SDK1: variants seen among roughly 807,000 people sequenced by gnomAD.
The protein encoded by SDK1 is sidekick cell adhesion molecule 1.
Under a neutral mutation model 245.5 loss-of-function variants are expected in SDK1, and 157 were observed. That is an observed-to-expected ratio of 0.64 (90% confidence interval 0.56 to 0.73). The LOEUF is 0.73. Among genes scored for constraint, SDK1 ranks in the 30% least tolerant of loss-of-function variants. The pLI, the probability that SDK1 is intolerant of heterozygous loss-of-function variation, is 0.00. For missense variants in SDK1, 3,583 were observed against 3,002.3 expected, an observed-to-expected ratio of 1.19 and a Z score of -4.52; for synonymous variants, 1,647 against 1,278.5, an observed-to-expected ratio of 1.29 and a Z score of -6.15.
chr7:4,208,315 G>T (rs1251356122), intron 37 of SDK1, 30 bp downstream of exon 37: 1 of 1,599,004 alleles, frequency 6.3e-7, no homozygotes, highest in Non-Finnish European at 8.5e-7. Context: ...CCTTTGGGCA[G>T]GCCTCCTTGG....
At chr7:3,757,650 T>G (rs1383551224) in intron 4 of SDK1, among the ~76,000 whole-genome samples, 1 of 152,046 alleles carries the variant, frequency 6.6e-6, no homozygotes, top group African/African-American at 2.4e-5. Context: ...ACTCCCAAGC[T>G]CTCTCCAGGC....
At chr7:3,924,349 G>A (rs1779696645) in intron 5 of SDK1, among the ~76,000 whole-genome samples, 1 of 152,118 alleles carries the variant, frequency 6.6e-6, no homozygotes, top group Admixed American at 6.5e-5. Flanking sequence ...ATGACTTCTT[G>A]GAAGACATCA....
intron 20 of SDK1, among the ~76,000 whole-genome samples, chr7:4,070,228 C>T (rs7456402): frequency 0.074 from 11,232 of 152,254 alleles, 999 homozygotes; most frequent in African/African-American, 0.21. Context: ...TGTCTGCACC[C>T]GCCTGGGACT....
At chr7:4,179,682 C>T (rs1475563132) in intron 35 of SDK1, among the ~76,000 whole-genome samples, 3 of 151,888 alleles carry the variant, frequency 2.0e-5, no homozygotes, top group African/African-American at 4.8e-5. Flanking sequence ...CAGGGATGGA[C>T]CTGGCTGTAG....
At chr7:3,545,938 C>G (rs1457261566) in intron 1 of SDK1, among the ~76,000 whole-genome samples, 1 of 152,184 alleles carries the variant, frequency 6.6e-6, no homozygotes, top group Non-Finnish European at 1.5e-5. Flanking sequence ...ATCAAGAATA[C>G]CTAAATCAGT....
At chr7:4,137,539 C>G (rs992164024) in intron 28 of SDK1, among the ~76,000 whole-genome samples, 2 of 152,156 alleles carry the variant, frequency 1.3e-5, no homozygotes, top group African/African-American at 4.8e-5. Context: ...GTGCCACCTC[C>G]GTCTTCCAGG....
intron 1 of SDK1, among the ~76,000 whole-genome samples, chr7:3,491,047 C>A (rs747559064): frequency 4.6e-5 from 7 of 152,236 alleles, no homozygotes; most frequent in African/African-American, 1.4e-4. Context: ...CTAGTCTTCA[C>A]AGTAACCTCC....
intron 20 of SDK1, among the ~76,000 whole-genome samples, chr7:4,069,829 G>A (rs528726544): frequency 3.7e-4 from 56 of 152,342 alleles, no homozygotes; most frequent in African/African-American, 1.1e-3. Flanking sequence ...AACCACACAA[G>A]GGGTGTCTTA....
rs374215705 is a variant in SDK1, at chr7:4,161,866, C to G, written c.4800+10C>G. 72 of 1,611,926 alleles carry G rather than the reference C, an allele frequency of 4.5e-5. No homozygotes were observed. The highest frequency in any genetic ancestry group is 5.4e-5 in the Non-Finnish European group (64 of 1,178,150). Reference sequence around the variant, plus strand: ...CCTGATACAGTGGCAGGTAAGAGCGCGGGGAATCACGCGCGTTTTGTCAAA... The same window carrying G: ...CCTGATACAGTGGCAGGTAAGAGCGGGGGGAATCACGCGCGTTTTGTCAAA... On this transcript the variant is annotated intron_variant, in intron 32 of 44. Transcript: ENST00000404826.
At chr7:3,579,639 A>G (rs1180504546) in intron 1 of SDK1, among the ~76,000 whole-genome samples, 4 of 152,170 alleles carry the variant, frequency 2.6e-5, no homozygotes, top group African/African-American at 7.2e-5. Flanking sequence ...TCTCTCACCA[A>G]TCCTATTCAA....
intron 30 of SDK1, among the ~76,000 whole-genome samples, chr7:4,151,835 C>T (rs537122985): frequency 7.7e-4 from 118 of 152,300 alleles, no homozygotes; most frequent in African/African-American, 2.6e-3. Context: ...GGTGCCTTGA[C>T]GTCTCTAAAT....
At chr7:3,775,378 G>C (rs1376351385) in intron 4 of SDK1, among the ~76,000 whole-genome samples, 1 of 151,754 alleles carries the variant, frequency 6.6e-6, no homozygotes, top group African/African-American at 2.4e-5. Flanking sequence ...AGCAGATTGT[G>C]GCTTTGTTTT....
intron 42 of SDK1, among the ~76,000 whole-genome samples, chr7:4,240,025 G>T (rs2128237764): frequency 6.6e-6 from 1 of 152,280 alleles, no homozygotes; most frequent in East Asian, 1.9e-4. Context: ...ATCCTTCAAA[G>T]AAAGGATTTA....
chr7:3,620,672 C>T (rs1377842716), intron 2 of SDK1, among the ~76,000 whole-genome samples: 8 of 152,074 alleles, frequency 5.3e-5, no homozygotes, highest in Admixed American at 3.3e-4. Flanking sequence ...CTCTGCAGAC[C>T]AGTCAGAAGG....
intron 7 of SDK1, among the ~76,000 whole-genome samples, chr7:3,953,599 A>G (rs1013131322): frequency 6.6e-6 from 1 of 152,232 alleles, no homozygotes; most frequent in Non-Finnish European, 1.5e-5. Context: ...ACAGGACTAT[A>G]CCGTGTTCAA....
At chr7:3,713,938 A>T (rs1223346586) in intron 4 of SDK1, among the ~76,000 whole-genome samples, 1 of 152,220 alleles carries the variant, frequency 6.6e-6, no homozygotes, top group Non-Finnish European at 1.5e-5. Context: ...ATATTAATTC[A>T]TGACTTTATT....
chr7:3,889,481 A>G (rs993250121), intron 5 of SDK1, among the ~76,000 whole-genome samples: 1 of 151,596 alleles, frequency 6.6e-6, no homozygotes, highest in African/African-American at 2.4e-5. Context: ...CATGCCCTAC[A>G]GTGGTACCAG....
intron 35 of SDK1, among the ~76,000 whole-genome samples, chr7:4,181,270 G>C (rs1485125627): frequency 6.6e-6 from 1 of 152,224 alleles, no homozygotes; most frequent in Non-Finnish European, 1.5e-5. Context: ...GCAGATGTCG[G>C]AATTGCCTTC....
intron 4 of SDK1, among the ~76,000 whole-genome samples, chr7:3,805,368 G>T (rs1040675210): frequency 6.6e-6 from 1 of 152,162 alleles, no homozygotes; most frequent in African/African-American, 2.4e-5. Context: ...GAATGCCTTT[G>T]TATTGATGCT....
Sources: allele counts gnomAD v4.1 joint callset (sites outside exome capture counted in the v4.1 genomes callset), GRCh38; gene constraint gnomAD v4.1.1; transcripts MANE v1.5; gene names NCBI Gene and HGNC (gene_info 2026-07-23, HGNC 2026-07-21).